Variants in HDAC9 observed in about 807,000 individuals in gnomAD.
HDAC9 encodes the protein MEF-2 interacting transcription repressor (MITR) protein.
A neutral mutation model predicts 139.4 loss-of-function variants in HDAC9; 41 were observed. The ratio of observed to expected loss-of-function variants is 0.29; its 90% CI spans 0.23 to 0.38. HDAC9 has a LOEUF of 0.38. Ranked by LOEUF, HDAC9 falls within the 10% of genes least tolerant of loss-of-function variation. The pLI, the probability that HDAC9 is intolerant of heterozygous loss-of-function variation, is 1.00. For synonymous variants in HDAC9, 517 were observed against 476.2 expected (o/e 1.09, Z -1.12); for missense variants, 1,147 against 1,297.0 (o/e 0.88, Z 1.78).
At chr7:18,507,684 T>C (rs954072203) in intron 2 of HDAC9, among the ~76,000 whole-genome samples, 1 of 151,914 alleles carries the variant, frequency 6.6e-6, no homozygotes, top group African/African-American at 2.4e-5. Flanking sequence ...AAAGATGGGG[T>C]TTCTTCACAT....
intron 6 of HDAC9, among the ~76,000 whole-genome samples, chr7:18,600,221 T>TA (rs1833584490): frequency 6.6e-6 from 1 of 152,168 alleles, no homozygotes; most frequent in East Asian, 1.9e-4. Context: ...CTGTTTGTCT[T>TA]ACAAATATTT....
At chr7:18,348,246 C>A (rs535891448) in intron 1 of HDAC9, among the ~76,000 whole-genome samples, 1 of 151,998 alleles carries the variant, frequency 6.6e-6, no homozygotes, top group Non-Finnish European at 1.5e-5. Flanking sequence ...GCAATGTCAG[C>A]GATTAAGAGG....
chr7:18,385,019 C>T (rs1355490625), intron 1 of HDAC9, among the ~76,000 whole-genome samples: 3 of 152,120 alleles, frequency 2.0e-5, no homozygotes, highest in Admixed American at 2.0e-4. Context: ...TGAGACTCTG[C>T]CTGAGATAAT....
chr7:18,584,269 C>T (rs1307113189), intron 2 of HDAC9, among the ~76,000 whole-genome samples: 2 of 150,002 alleles, frequency 1.3e-5, no homozygotes, highest in East Asian at 4.0e-4. Flanking sequence ...GCTGGGACTA[C>T]AGGCACCCGC....
chr7:18,747,169 G>T (rs1584964636), intron 13 of HDAC9, among the ~76,000 whole-genome samples: 1 of 152,246 alleles, frequency 6.6e-6, no homozygotes, highest in East Asian at 1.9e-4. Flanking sequence ...ATGAATTGAA[G>T]CTGGAAAGAT....
chr7:18,522,522 CAG>C lies in HDAC9; in HGVS notation c.22+26201_22+26202del, dbSNP rs377156552. On this transcript the variant is annotated intron_variant, in intron 2 of 25. Transcript: ENST00000686413. Reference sequence around the variant, plus strand: ...TTTCCAAGCATATAACTGGACATGACAGAGTATCTTAGCTTCTACATCATAAA... The same window carrying C: ...TTTCCAAGCATATAACTGGACATGACAGTATCTTAGCTTCTACATCATAAA... Among the ~76,000 whole-genome samples the C allele has an allele frequency of 1.5e-4, 22 of 147,840 alleles. No individual in the cohort carries two copies. In the East Asian group the frequency reaches 4.0e-3, roughly 27 times the overall value.
intron 22 of HDAC9, among the ~76,000 whole-genome samples, chr7:18,917,160 A>C (rs1020987101): frequency 2.6e-5 from 4 of 152,026 alleles, no homozygotes; most frequent in Non-Finnish European, 5.9e-5. Flanking sequence ...AAATCATCTT[A>C]TGTTACTTAG....
chr7:18,618,598 T>C lies in HDAC9; in HGVS notation c.665-10752T>C, dbSNP rs538961758. 4.6e-5 allele frequency among the ~76,000 whole-genome samples: 7 copies of C among 151,936 alleles called. No homozygotes were observed. In the East Asian group the frequency reaches 9.7e-4, roughly 21 times the overall value. ...GGCCCCACTCTCTCACGCAGTCAGT[T>C]CACATGTAGCTCTTATGAACTGTCT... On this transcript the variant is annotated intron_variant, in intron 6 of 25. Transcript: ENST00000686413.
At chr7:18,778,948 G>A (rs1220229013) in intron 16 of HDAC9, among the ~76,000 whole-genome samples, 2 of 152,026 alleles carry the variant, frequency 1.3e-5, no homozygotes, top group Non-Finnish European at 2.9e-5. Context: ...AATGCACATG[G>A]CATGCCCCTT....
At chr7:18,915,785 C>A (rs1014128498) in intron 22 of HDAC9, among the ~76,000 whole-genome samples, 1 of 151,672 alleles carries the variant, frequency 6.6e-6, no homozygotes, top group Admixed American at 6.6e-5. Context: ...TCCCTAACAA[C>A]AACAACAACA....
chr7:18,597,091 C>A (rs1049586080), intron 6 of HDAC9, among the ~76,000 whole-genome samples: 2 of 152,088 alleles, frequency 1.3e-5, no homozygotes, highest in African/African-American at 4.8e-5. Flanking sequence ...TGGACCTTTA[C>A]TTCCTTCCCC....
chr7:18,223,457 C>T (rs1036034961), intron 2 of HDAC9, among the ~76,000 whole-genome samples: 40 of 150,866 alleles, frequency 2.7e-4, no homozygotes, highest in African/African-American at 9.5e-4. Flanking sequence ...CTCCCAGCAA[C>T]CCAATGAACA....
intron 13 of HDAC9, among the ~76,000 whole-genome samples, chr7:18,739,547 T>C (rs940496382): frequency 3.9e-5 from 6 of 152,198 alleles, no homozygotes; most frequent in African/African-American, 1.2e-4. Context: ...TTGGAGTTTG[T>C]TGGAGGTCCA....
intron 2 of HDAC9, among the ~76,000 whole-genome samples, chr7:18,257,634 C>T (rs1795365915): frequency 6.6e-6 from 1 of 152,082 alleles, no homozygotes; most frequent in South Asian, 2.1e-4. Context: ...AAACCAGCTA[C>T]TCAGAAAGAG....
chr7:18,204,245 A>G (rs1013034072), intron 2 of HDAC9, among the ~76,000 whole-genome samples: 2 of 151,458 alleles, frequency 1.3e-5, no homozygotes, highest in African/African-American at 4.8e-5. Context: ...TCTGTAGTTT[A>G]CTTAATCATT....
chr7:18,611,583 G>A (rs1837157037), intron 6 of HDAC9, among the ~76,000 whole-genome samples: 1 of 152,094 alleles, frequency 6.6e-6, no homozygotes, highest in African/African-American at 2.4e-5. Flanking sequence ...ACAATGCCAG[G>A]TTTGAAGACA....
chr7:18,206,687 G>A (rs1230633740), intron 2 of HDAC9, among the ~76,000 whole-genome samples: 1 of 151,920 alleles, frequency 6.6e-6, no homozygotes, highest in Non-Finnish European at 1.5e-5. Context: ...AATAATAAGG[G>A]TACACACAGG....
intron 2 of HDAC9, among the ~76,000 whole-genome samples, chr7:18,519,240 A>G (rs1022892301): frequency 2.0e-5 from 3 of 152,226 alleles, no homozygotes; most frequent in African/African-American, 7.2e-5. Flanking sequence ...GTGTAATCCT[A>G]TCTAGAGAAA....
intron 13 of HDAC9, among the ~76,000 whole-genome samples, chr7:18,735,417 G>A (rs950637653): frequency 2.7e-5 from 4 of 149,550 alleles, no homozygotes; most frequent in African/African-American, 1.0e-4. Flanking sequence ...TTTGTATAAG[G>A]TGTAAGGAAG....
Sources: allele counts gnomAD v4.1 joint callset (sites outside exome capture counted in the v4.1 genomes callset), GRCh38; gene constraint gnomAD v4.1.1; transcripts MANE v1.5; gene names NCBI Gene and HGNC (gene_info 2026-07-23, HGNC 2026-07-21).